Variants in MAPK10 observed in about 807,000 individuals in gnomAD.
The protein encoded by MAPK10 is mitogen-activated protein kinase 10.
In MAPK10, 25 loss-of-function variants were observed where a neutral mutation model predicts 59.3. The observed-to-expected ratio is 0.42, with a 90% CI of 0.31 to 0.59. MAPK10 has a LOEUF of 0.59. Among genes scored for constraint, MAPK10 ranks in the 20% least tolerant of loss-of-function variants. MAPK10 has a pLI of 0.15. For synonymous variants in MAPK10, 190 were observed against 200.5 expected, an observed-to-expected ratio of 0.95 and a Z score of 0.44; for missense variants, 351 against 568.9, an observed-to-expected ratio of 0.62 and a Z score of 3.90.
At chr4:86,141,411 T>C (rs1034707879) in intron 4 of MAPK10, among the ~76,000 whole-genome samples, 4 of 152,206 alleles carry the variant, frequency 2.6e-5, no homozygotes, top group Non-Finnish European at 4.4e-5. Flanking sequence ...CACATCTTTA[T>C]TCAGTGTGGG....
At chr4:86,069,789 G>A (rs1037717745) in intron 9 of MAPK10, among the ~76,000 whole-genome samples, 2 of 152,008 alleles carry the variant, frequency 1.3e-5, no homozygotes, top group African/African-American at 4.8e-5. Context: ...CAGATTTTCT[G>A]TAAATAAGTC....
chr4:86,507,615 GATATAT>G (rs767683551), intron 1 of MAPK10, among the ~76,000 whole-genome samples: 477 of 35,572 alleles, frequency 0.013, 13 homozygotes, highest in South Asian at 0.023. Context: ...ATAAACTGGA[GATATAT>G]ATATATATAT....
At chr4:86,225,438 G>A (rs929735439) in intron 2 of MAPK10, among the ~76,000 whole-genome samples, 9 of 152,102 alleles carry the variant, frequency 5.9e-5, no homozygotes, top group African/African-American at 2.2e-4. Context: ...AGTCCTGTGT[G>A]ACTCTACCGA....
upstream of MAPK10, among the ~76,000 whole-genome samples, chr4:86,454,701 A>G (rs1751078688): frequency 6.6e-6 from 1 of 152,210 alleles, no homozygotes; most frequent in Admixed American, 6.5e-5. Flanking sequence ...TTTGGCAACT[A>G]TATTTGGGGG....
At chr4:86,361,664 T>TACAC (rs550401183), upstream of MAPK10, among the ~76,000 whole-genome samples, 193 of 149,982 alleles carry the variant, frequency 1.3e-3, 1 homozygote, top group African/African-American at 4.5e-3. Flanking sequence ...CAAACACACA[T>TACAC]ACACACACAC....
chr4:86,118,097 T>C (rs2058571363), intron 4 of MAPK10: 1 of 152,210 alleles, frequency 6.6e-6, no homozygotes, highest in African/African-American at 2.4e-5. Flanking sequence ...CTGCTTAAAA[T>C]GCTTCTGTCT....
At chr4:86,372,116 C>T (rs1447230618) in intron 1 of MAPK10, among the ~76,000 whole-genome samples, 1 of 152,094 alleles carries the variant, frequency 6.6e-6, no homozygotes, top group Non-Finnish European at 1.5e-5. Flanking sequence ...ATTCTAAAAC[C>T]AACCACATAA....
chr4:86,488,136 C>A (rs1016890975), intron 1 of MAPK10, among the ~76,000 whole-genome samples: 1 of 152,190 alleles, frequency 6.6e-6, no homozygotes, highest in Non-Finnish European at 1.5e-5. Flanking sequence ...GAAGGAAAAG[C>A]AGCTCCCTCA....
chr4:86,373,847 C>G (rs1183998181), intron 1 of MAPK10, among the ~76,000 whole-genome samples: 1 of 152,064 alleles, frequency 6.6e-6, no homozygotes, highest in Non-Finnish European at 1.5e-5. Flanking sequence ...GACAGTGTGG[C>G]GATTCCTCAA....
At chr4:86,448,881 G>A (rs571698949) in intron 1 of MAPK10, among the ~76,000 whole-genome samples, 1 of 152,304 alleles carries the variant, frequency 6.6e-6, no homozygotes, top group Admixed American at 6.5e-5. Context: ...AGTCCCATCT[G>A]GGGGTGATAG....
chr4:86,455,558 A>T (rs1751155607), upstream of MAPK10, among the ~76,000 whole-genome samples: 1 of 152,240 alleles, frequency 6.6e-6, no homozygotes, highest in Admixed American at 6.5e-5. Context: ...AGAAAGACAA[A>T]GAGGGTCATT....
In MAPK10 at chr4:86,469,856, T is replaced by C. The variant is rs561358549; in HGVS notation, c.-262-115212A>G. Among the ~76,000 whole-genome samples the C allele has an allele frequency of 6.6e-5, 10 of 152,246 alleles. No homozygotes were observed. In the South Asian group the frequency reaches 2.1e-3, roughly 32 times the overall value. On this transcript the variant is annotated intron_variant, in intron 1 of 4. Transcript: ENST00000502302. ...TTTTAAGACTAAGAGGTAAAGACAA[T>C]TGTAAAATATGTAAATTCACCAAAG...
At chr4:86,155,378 T>G in intron 4 of MAPK10, among the ~76,000 whole-genome samples, 1 of 151,842 alleles carries the variant, frequency 6.6e-6, no homozygotes, top group Non-Finnish European at 1.5e-5. Flanking sequence ...TATATAATAT[T>G]TAAAATGACA....
At chr4:86,495,129 T>G (rs1394717278) in intron 1 of MAPK10, among the ~76,000 whole-genome samples, 4 of 152,106 alleles carry the variant, frequency 2.6e-5, no homozygotes, top group African/African-American at 9.7e-5. Flanking sequence ...AGGGTATACC[T>G]CCAACATGAG....
At chr4:86,460,565 A>G (rs1463336541) in intron 1 of MAPK10, among the ~76,000 whole-genome samples, 2 of 152,256 alleles carry the variant, frequency 1.3e-5, no homozygotes, top group Non-Finnish European at 2.9e-5. Flanking sequence ...AACTGGCCCC[A>G]AAACTGGCCA....
chr4:86,389,500 A>G (rs991469659), intron 1 of MAPK10, among the ~76,000 whole-genome samples: 1 of 152,188 alleles, frequency 6.6e-6, no homozygotes, highest in Non-Finnish European at 1.5e-5. Flanking sequence ...ACACTCCCCT[A>G]CGGGATAGTT....
At chr4:86,383,827 GAT>G (rs1290780446) in intron 1 of MAPK10, among the ~76,000 whole-genome samples, 1 of 152,132 alleles carries the variant, frequency 6.6e-6, no homozygotes, top group African/African-American at 2.4e-5. Context: ...CATATGTAGA[GAT>G]AACAATTTAC....
At chr4:86,436,491 A>G (rs1031105969) in intron 1 of MAPK10, among the ~76,000 whole-genome samples, 5 of 152,176 alleles carry the variant, frequency 3.3e-5, no homozygotes, top group Non-Finnish European at 4.4e-5. Context: ...GTCATTTAGT[A>G]TAGGCACCAA....
chr4:86,041,261 G>A (rs1373640548), intron 11 of MAPK10, among the ~76,000 whole-genome samples: 3 of 152,118 alleles, frequency 2.0e-5, no homozygotes, highest in Non-Finnish European at 4.4e-5. Flanking sequence ...AATGATGCTG[G>A]GAAAACTGCC....
Sources: gnomAD v4.1 joint callset for allele counts (sites outside exome capture counted in the v4.1 genomes callset) on GRCh38, gnomAD v4.1.1 for gene constraint, MANE v1.5 for transcripts, NCBI Gene and HGNC (gene_info 2026-07-23, HGNC 2026-07-21) for gene names.